Variants in FHIP1A observed in about 807,000 individuals in gnomAD.
FHIP1A encodes the protein FHF complex subunit HOOK interacting protein 1A, also known as FHF complex subunit HOOK-interacting protein 1A.
Under a neutral mutation model 88.6 loss-of-function variants are expected in FHIP1A, and 61 were observed. That is an observed-to-expected ratio of 0.69 (90% CI 0.56 to 0.85). The LOEUF is 0.85. Ranked by LOEUF, FHIP1A falls within the 40% of genes least tolerant of loss-of-function variation. The pLI, the probability that FHIP1A is intolerant of heterozygous loss-of-function variation, is 0.00. For synonymous variants in FHIP1A, 478 were observed against 496.0 expected, an observed-to-expected ratio of 0.96 and a Z score of 0.48; for missense variants, 1,154 against 1,273.5, an observed-to-expected ratio of 0.91 and a Z score of 1.43.
At chr4:151,499,854 C>T (rs898894816) in intron 3 of FHIP1A, among the ~76,000 whole-genome samples, 2 of 152,134 alleles carry the variant, frequency 1.3e-5, no homozygotes, top group African/African-American at 4.8e-5. Context: ...AGAGTAACCG[C>T]CTCCCGTGAT....
At chr4:151,467,274 A>T (rs973688268) in intron 2 of FHIP1A, among the ~76,000 whole-genome samples, 12 of 152,240 alleles carry the variant, frequency 7.9e-5, no homozygotes, top group Admixed American at 6.5e-5. Context: ...CCACAATGAG[A>T]TACCATCTCG....
chr4:151,612,293 A>G (rs1735351776), intron 7 of FHIP1A, among the ~76,000 whole-genome samples: 1 of 152,204 alleles, frequency 6.6e-6, no homozygotes, highest in African/African-American at 2.4e-5. Flanking sequence ...GTTAATTGCA[A>G]AGTAGAAAGA....
At chr4:151,624,487 T>A (rs1316048237) in intron 7 of FHIP1A, among the ~76,000 whole-genome samples, 1 of 152,192 alleles carries the variant, frequency 6.6e-6, no homozygotes, top group Non-Finnish European at 1.5e-5. Flanking sequence ...GGAAGGACCC[T>A]GAAAAGCCAT....
At chr4:151,594,706 TG>T (rs1734580746) in intron 7 of FHIP1A, among the ~76,000 whole-genome samples, 1 of 151,966 alleles carries the variant, frequency 6.6e-6, no homozygotes, top group African/African-American at 2.4e-5. Flanking sequence ...CCGGAGTAGT[TG>T]GGACTACAGG....
intron 3 of FHIP1A, among the ~76,000 whole-genome samples, chr4:151,493,852 C>A (rs781353600): frequency 1.3e-5 from 2 of 152,104 alleles, no homozygotes; most frequent in Non-Finnish European, 2.9e-5. Context: ...CTATAACAAA[C>A]CCACAGCCAA....
intron 5 of FHIP1A, among the ~76,000 whole-genome samples, chr4:151,581,047 C>CA (rs1734005886): frequency 2.0e-5 from 3 of 152,134 alleles, no homozygotes; most frequent in Admixed American, 2.0e-4. Context: ...TTAGTAGAGA[C>CA]AGAGTTTTAC....
At chr4:151,610,484 G>C (rs546781981) in intron 7 of FHIP1A, among the ~76,000 whole-genome samples, 1 of 152,284 alleles carries the variant, frequency 6.6e-6, no homozygotes, top group Non-Finnish European at 1.5e-5. Flanking sequence ...TTTATTAGGA[G>C]AAATAACTCA....
intron 3 of FHIP1A, among the ~76,000 whole-genome samples, chr4:151,511,370 C>G (rs141427949): frequency 6.6e-6 from 1 of 152,138 alleles, no homozygotes; most frequent in Non-Finnish European, 1.5e-5. Context: ...AGAAGACGGG[C>G]GATTTCTGCA....
intron 1 of FHIP1A, among the ~76,000 whole-genome samples, chr4:151,430,486 G>A (rs981336498): frequency 2.0e-5 from 3 of 152,178 alleles, no homozygotes; most frequent in African/African-American, 7.2e-5. Flanking sequence ...TTAGCTGCCA[G>A]CACTTATCCT....
intron 2 of FHIP1A, among the ~76,000 whole-genome samples, chr4:151,462,996 A>G (rs1334594058): frequency 6.6e-6 from 1 of 152,168 alleles, no homozygotes; most frequent in Non-Finnish European, 1.5e-5. Context: ...TCCCTGCATT[A>G]TTAGGTATGA....
chr4:151,523,137 C>T (rs1476318045), intron 3 of FHIP1A, among the ~76,000 whole-genome samples: 7 of 152,160 alleles, frequency 4.6e-5, no homozygotes, highest in Non-Finnish European at 1.0e-4. Context: ...ATGGATCTGG[C>T]ACATGTGACA....
At chr4:151,444,926 T>C (rs1260829899) in intron 1 of FHIP1A, among the ~76,000 whole-genome samples, 1 of 152,208 alleles carries the variant, frequency 6.6e-6, no homozygotes, top group African/African-American at 2.4e-5. Context: ...CTTTAATTCT[T>C]GGCAGACATT....
At chr4:151,660,028 A>G (rs1376097380) in intron 13 of FHIP1A, among the ~76,000 whole-genome samples, 1 of 152,220 alleles carries the variant, frequency 6.6e-6, no homozygotes, top group African/African-American at 2.4e-5. Context: ...TGATTCTAGA[A>G]GGGAGATCAG....
chr4:151,515,456 C>T (rs1731197158), intron 3 of FHIP1A, among the ~76,000 whole-genome samples: 1 of 151,828 alleles, frequency 6.6e-6, no homozygotes, highest in Non-Finnish European at 1.5e-5. Context: ...CTGGCCAGGG[C>T]AATTAGGCAG....
At chr4:151,453,169 C>T (rs1728855432) in intron 1 of FHIP1A, among the ~76,000 whole-genome samples, 1 of 151,804 alleles carries the variant, frequency 6.6e-6, no homozygotes, top group South Asian at 2.1e-4. Context: ...GCGCCTTCCA[C>T]CATGTCTGGC....
chr4:151,510,645 C>T (rs1378118135), intron 3 of FHIP1A, among the ~76,000 whole-genome samples: 1 of 152,188 alleles, frequency 6.6e-6, no homozygotes, highest in Non-Finnish European at 1.5e-5. Context: ...TGGTTCCTTT[C>T]TCTTGCCTTC....
intron 2 of FHIP1A, among the ~76,000 whole-genome samples, chr4:151,468,119 C>A (rs751804551): frequency 3.0e-4 from 45 of 151,498 alleles, no homozygotes; most frequent in Non-Finnish European, 4.3e-4. Flanking sequence ...CCCGTCTCTA[C>A]TAAAAATACA....
chr4:151,537,568 G>T (rs76193502), intron 3 of FHIP1A, among the ~76,000 whole-genome samples: 3,761 of 152,090 alleles, frequency 0.025, 145 homozygotes, highest in African/African-American at 0.087. Flanking sequence ...TTCTTCACAT[G>T]GGCTTTCATA....
chr4:151,503,048 C>T (rs1170767387), intron 3 of FHIP1A, among the ~76,000 whole-genome samples: 1 of 152,136 alleles, frequency 6.6e-6, no homozygotes, highest in Non-Finnish European at 1.5e-5. Flanking sequence ...AAAGTTTCAC[C>T]AAAATTCTGT....
Sources: allele counts gnomAD v4.1 joint callset (sites outside exome capture counted in the v4.1 genomes callset), GRCh38; gene constraint gnomAD v4.1.1; transcripts MANE v1.5; gene names NCBI Gene and HGNC (gene_info 2026-07-23, HGNC 2026-07-21).